MSTO1: variants seen among roughly 807,000 people sequenced by gnomAD.
MSTO1 encodes protein misato homolog 1.
A neutral mutation model predicts 55.7 loss-of-function variants in MSTO1; 24 were observed. That is an observed-to-expected ratio of 0.43 (90% CI 0.31 to 0.61). The LOEUF (loss-of-function observed/expected upper bound fraction) is 0.61. Among genes scored for constraint, MSTO1 ranks in the 20% least tolerant of loss-of-function variants. MSTO1 has a pLI of 0.09. For synonymous variants in MSTO1, 162 were observed against 252.8 expected, an observed-to-expected ratio of 0.64 and a Z score of 3.41; for missense variants, 363 against 625.7, an observed-to-expected ratio of 0.58 and a Z score of 4.48.
chr1:155,608,612 G>T (rs1315906316), upstream of MSTO1, among the ~76,000 whole-genome samples: 1 of 144,310 alleles, frequency 6.9e-6, no homozygotes, highest in Non-Finnish European at 1.5e-5. Flanking sequence ...CCATTGTCCT[G>T]CCTCCGCCTC....
At chr1:155,602,689 C>A in the MSTO1 span, among the ~76,000 whole-genome samples, 15 of 152,152 alleles carry the variant, frequency 9.9e-5, no homozygotes, top group Non-Finnish European at 2.1e-4. Context: ...TCACAGTGGA[C>A]TCATAACTTG....
At position 155,614,581 on chromosome 1, in the gene MSTO1, G is replaced by C. The variant is rs1019064625; in HGVS notation, c.*308G>C. On this transcript the variant is annotated 3_prime_UTR_variant, in exon 14 of 14. Coordinates refer to ENST00000245564, the MANE Select transcript of MSTO1 (RefSeq NM_018116.4). ...CCCCTGGGTCCTACTCCATCCTCCA[G>C]CCTTTGTCCTTGTCCTGGCCTCCTG... is the stretch of plus-strand genomic sequence containing the variant. 4.8e-6 allele frequency: 3 copies of C among 629,140 alleles called. No homozygotes were observed. The highest frequency in any genetic ancestry group is 8.7e-6 in the Non-Finnish European group (3 of 343,238). The allele number at this position is 629,140 out of a possible 1,614,324, so 39.0% of individuals were successfully genotyped here.
In MSTO1 at chr1:155,611,472, C is replaced by T. The variant is rs1242742377; in HGVS notation, c.367-77C>T. On this transcript the variant is annotated intron_variant, in intron 4 of 13. Coordinates refer to ENST00000245564, the MANE Select transcript of MSTO1 (RefSeq NM_018116.4). Reference sequence around the variant, plus strand: ...AAAGGAGGCTATGCGGTGTGGCCAGCCAACTCAAGGAGGACGAAGCAACCT... The same window carrying T: ...AAAGGAGGCTATGCGGTGTGGCCAGTCAACTCAAGGAGGACGAAGCAACCT... The T allele has an allele frequency of 3.7e-6, 6 of 1,613,566 alleles. No individual in the cohort carries two copies. In the African/African-American group the frequency reaches 8.0e-5, roughly 22 times the overall value.
chr1:155,580,248 G>A, the MSTO1 span, among the ~76,000 whole-genome samples: 2 of 148,830 alleles, frequency 1.3e-5, no homozygotes, highest in African/African-American at 2.5e-5. Context: ...AAAAAGGGCC[G>A]AGTGTGGTGG....
upstream of MSTO1, among the ~76,000 whole-genome samples, chr1:155,608,795 C>T (rs1480323480): frequency 1.3e-5 from 2 of 151,592 alleles, no homozygotes. Flanking sequence ...AACCGCGGCG[C>T]CCGGCCTTTT....
At chr1:155,584,691 A>AAAAAAAAAAAAG in the MSTO1 span, among the ~76,000 whole-genome samples, 21 of 75,608 alleles carry the variant, frequency 2.8e-4, no homozygotes, top group African/African-American at 6.3e-4. Context: ...AAAAAAAAAA[A>AAAAAAAAAAAAG]AAAGAAAGAA....
At chr1:155,573,023 A>G in the MSTO1 span, among the ~76,000 whole-genome samples, 264 of 152,262 alleles carry the variant, frequency 1.7e-3, 2 homozygotes, top group Non-Finnish European at 1.3e-3. Flanking sequence ...GCATTTGATA[A>G]TCTCGCACAG....
the MSTO1 span, among the ~76,000 whole-genome samples, chr1:155,586,220 T>C: frequency 6.6e-6 from 1 of 150,874 alleles, no homozygotes; most frequent in African/African-American, 2.4e-5. Flanking sequence ...TTTTTTTTTT[T>C]TTGTTAGAGA....
At chr1:155,588,738 C>T in the MSTO1 span, among the ~76,000 whole-genome samples, 1 of 151,978 alleles carries the variant, frequency 6.6e-6, no homozygotes, top group Non-Finnish European at 1.5e-5. Flanking sequence ...AGCACCTGAG[C>T]GGGATTAGTC....
chr1:155,606,456 A>G (rs967086865), upstream of MSTO1, among the ~76,000 whole-genome samples: 2 of 150,478 alleles, frequency 1.3e-5, no homozygotes, highest in Non-Finnish European at 3.0e-5. Flanking sequence ...GCGCAATGAC[A>G]TGATCTTGGC....
At chr1:155,609,241 ATAT>A (rs1449542930), upstream of MSTO1, among the ~76,000 whole-genome samples, 154 of 48,332 alleles carry the variant, frequency 3.2e-3, no homozygotes, top group African/African-American at 7.3e-3. Context: ...ATATATATAT[ATAT>A]TTTTTTTTTT....
At chr1:155,594,057 C>T in the MSTO1 span, among the ~76,000 whole-genome samples, 2 of 151,644 alleles carry the variant, frequency 1.3e-5, no homozygotes, top group Non-Finnish European at 2.9e-5. Flanking sequence ...GGCAAATTTT[C>T]ACTGAGGATG....
Position 155,610,229 on chromosome 1 carries a change from G to A in MSTO1, c.-20G>A, listed in dbSNP as rs566248860. ...CGAGCGGCGCGGCTGAGGCGCGGCGGCCCCGTGGAGCAGCGCAGTATGGCG... is the reference window on the plus strand; with the variant it reads ...CGAGCGGCGCGGCTGAGGCGCGGCGACCCCGTGGAGCAGCGCAGTATGGCG... On this transcript the variant is annotated 5_prime_UTR_variant, in exon 1 of 14. Coordinates refer to ENST00000245564, the MANE Select transcript of MSTO1 (RefSeq NM_018116.4). The A allele has an allele frequency of 1.1e-3, 665 of 608,250 alleles. 8 individuals carry two copies. In the South Asian group the frequency reaches 0.012, roughly 11 times the overall value. The allele number at this position is 608,250 out of a possible 1,614,324, so 37.7% of individuals were successfully genotyped here. A position where few individuals can be genotyped will look rare whatever the true frequency, so the allele number is the denominator to read the frequency against.
the MSTO1 span, among the ~76,000 whole-genome samples, chr1:155,580,483 C>T: frequency 1.3e-5 from 2 of 152,212 alleles, no homozygotes; most frequent in Non-Finnish European, 2.9e-5. Context: ...TGCAGTGAGC[C>T]GTGATCACGC....
chr1:155,577,795 G>A, the MSTO1 span, among the ~76,000 whole-genome samples: 1 of 152,184 alleles, frequency 6.6e-6, no homozygotes, highest in Non-Finnish European at 1.5e-5. Context: ...CCAGGTTGGA[G>A]TGGAGTGGCG....
At chr1:155,585,459 G>C in the MSTO1 span, among the ~76,000 whole-genome samples, 2 of 150,614 alleles carry the variant, frequency 1.3e-5, no homozygotes, top group Admixed American at 1.3e-4. Flanking sequence ...GGAGGCGGAG[G>C]TTGCAGTGAG....
chr1:155,583,113 T>C, the MSTO1 span, among the ~76,000 whole-genome samples: 1 of 152,172 alleles, frequency 6.6e-6, no homozygotes, highest in Admixed American at 6.5e-5. Context: ...TCAAATGATT[T>C]TTTCCGGCCT....
At chr1:155,597,179 GA>G in the MSTO1 span, among the ~76,000 whole-genome samples, 1 of 152,106 alleles carries the variant, frequency 6.6e-6, no homozygotes, top group Non-Finnish European at 1.5e-5. Context: ...TCACAGATGA[GA>G]AGACAAGGTT....
the MSTO1 span, among the ~76,000 whole-genome samples, chr1:155,565,224 G>C: frequency 6.6e-6 from 1 of 151,802 alleles, no homozygotes; most frequent in African/African-American, 2.4e-5. Context: ...GAACCCAGGA[G>C]GGAGAGGTTG....
Sources: allele counts gnomAD v4.1 joint callset (sites outside exome capture counted in the v4.1 genomes callset), GRCh38; gene constraint gnomAD v4.1.1; transcripts MANE v1.5; gene names NCBI Gene and HGNC (gene_info 2026-07-23, HGNC 2026-07-21).